TTC17: variants seen among roughly 807,000 people sequenced by gnomAD.
TTC17 encodes the protein tetratricopeptide repeat protein 17.
Under a neutral mutation model 143.8 loss-of-function variants are expected in TTC17, and 58 were observed. That is an observed-to-expected ratio of 0.40 (90% CI 0.33 to 0.50). TTC17 has a LOEUF of 0.50. Ranked by LOEUF, TTC17 falls within the 20% of genes least tolerant of loss-of-function variation. TTC17 has a pLI of 0.49. For missense variants in TTC17, 1,273 were observed against 1,392.5 expected, an observed-to-expected ratio of 0.91 and a Z score of 1.37; for synonymous variants, 501 against 497.8, an observed-to-expected ratio of 1.01 and a Z score of -0.09.
Position 43,494,093 on chromosome 11 carries a change from C to A in TTC17, c.*189C>A. On this transcript the variant is annotated 3_prime_UTR_variant, in exon 24 of 24. Transcript: ENST00000039989. ...ACGTTTCTCCTTTCCCCCAACCAAC[C>A]TCAGAAGAGGCACCTTCAGAAACAC... 1.4e-6 allele frequency: 1 copy of A among 708,560 alleles called. No homozygotes were observed. The highest frequency in any genetic ancestry group is 2.2e-6 in the Non-Finnish European group (1 of 464,202). The allele number at this position is 708,560 out of a possible 1,614,324, so 43.9% of individuals were successfully genotyped here. A position where few individuals can be genotyped will look rare whatever the true frequency, so the allele number is the denominator to read the frequency against.
At chr11:43,452,791 C>T (rs987154729) in intron 21 of TTC17, among the ~76,000 whole-genome samples, 1 of 151,784 alleles carries the variant, frequency 6.6e-6, no homozygotes, top group Non-Finnish European at 1.5e-5. Context: ...AAAATGCTCA[C>T]ACACACCTGT....
At chr11:43,437,369 A>G (rs1416225210) in intron 16 of TTC17, among the ~76,000 whole-genome samples, 2 of 152,082 alleles carry the variant, frequency 1.3e-5, no homozygotes, top group East Asian at 1.9e-4. Flanking sequence ...TGCCTACACT[A>G]TTGCAGTAGC....
chr11:43,393,156 T>C (rs893087247), intron 5 of TTC17, among the ~76,000 whole-genome samples: 1 of 152,144 alleles, frequency 6.6e-6, no homozygotes, highest in Admixed American at 6.5e-5. Flanking sequence ...TACAACTCAA[T>C]ACAATTCTGA....
rs1211439575 is a variant in TTC17, at chr11:43,448,041, C to T, written c.2705C>T (p.Pro902Leu). ...TACCAGCGTCTGGGATGGCCCAGCC[C>T]GGACGAATGCCTCAAACTCCGCTGG... is the stretch of plus-strand genomic sequence containing the variant. ...RDYQRLGWPS[P>L]DECLKLRWVE... is the part of the protein sequence containing the mutation. Residue 902 changes from proline (P) to leucine (L), a missense_variant, in exon 19 of 24, where the codon CCG becomes CTG. Physicochemically the swap from Pro to Leu is moderately conservative, Grantham distance 98 (BLOSUM62 -3). Around this residue, in one of 3 missense-constraint regions of TTC17, gnomAD observed 878 missense variants for 899.8 expected, o/e 0.98. Transcript: ENST00000039989. The T allele has an allele frequency of 5.6e-6, 9 of 1,613,942 alleles. No individual in the cohort carries two copies. The highest frequency in any genetic ancestry group is 4.5e-5 in the East Asian group (2 of 44,876).
chr11:43,387,625 C>T (rs905371525), intron 2 of TTC17, among the ~76,000 whole-genome samples: 4 of 152,118 alleles, frequency 2.6e-5, no homozygotes, highest in African/African-American at 9.7e-5. Context: ...GGACCTAGGC[C>T]GACAGAGCAG....
intron 21 of TTC17, among the ~76,000 whole-genome samples, chr11:43,482,796 G>T (rs185912445): frequency 6.6e-5 from 10 of 152,042 alleles, no homozygotes; most frequent in Admixed American, 5.2e-4. Context: ...TTATGAATTT[G>T]CTTGTATCTT....
At chr11:43,466,763 G>C in intron 21 of TTC17, 1 of 316,290 alleles carries the variant, frequency 3.2e-6, no homozygotes, top group Non-Finnish European at 6.3e-6. Context: ...GCAAGCATGT[G>C]ATCTTTGGCA....
At chr11:43,447,945 C>T in intron 18 of TTC17, 57 bp from the exon 19 acceptor site, 1 of 1,595,812 alleles carries the variant, frequency 6.3e-7, no homozygotes, top group Non-Finnish European at 8.5e-7. Context: ...GGGCATAAGG[C>T]CCTTTGGGTT....
intron 16 of TTC17, among the ~76,000 whole-genome samples, chr11:43,429,277 T>C (rs1198454885): frequency 2.0e-5 from 3 of 152,252 alleles, no homozygotes; most frequent in African/African-American, 7.2e-5. Flanking sequence ...TAAATTGATT[T>C]GCCCAAGTTT....
intron 1 of TTC17, among the ~76,000 whole-genome samples, chr11:43,361,392 A>G (rs1014682783): frequency 6.6e-6 from 1 of 152,164 alleles, no homozygotes; most frequent in Non-Finnish European, 1.5e-5. Flanking sequence ...AACTCATTGT[A>G]AGTCGAAAAT....
chr11:43,478,498 G>C (rs1233507430), intron 21 of TTC17, among the ~76,000 whole-genome samples: 1 of 152,190 alleles, frequency 6.6e-6, no homozygotes, highest in Non-Finnish European at 1.5e-5. Context: ...TCTGGAATTT[G>C]CTTCACATTA....
chr11:43,385,041 T>C (rs761283806), intron 2 of TTC17, among the ~76,000 whole-genome samples: 13 of 152,180 alleles, frequency 8.5e-5, no homozygotes, highest in African/African-American at 1.2e-4. Flanking sequence ...CTCATGGATA[T>C]AAGTATGTTT....
chr11:43,370,549 GA>G (rs56245298), intron 1 of TTC17, among the ~76,000 whole-genome samples: 1,727 of 133,078 alleles, frequency 0.013, 13 homozygotes, highest in Non-Finnish European at 0.018. Context: ...TTTGTTTAAG[GA>G]AAAAAAAAAA....
intron 18 of TTC17, 42 bp downstream of exon 18, chr11:43,444,251 G>C (rs774517848): frequency 3.2e-6 from 5 of 1,560,394 alleles, no homozygotes; most frequent in African/African-American, 1.4e-5. Flanking sequence ...TGTTTTAGAT[G>C]TCACTATCTC....
intron 21 of TTC17, among the ~76,000 whole-genome samples, chr11:43,474,464 A>G (rs1186692457): frequency 1.3e-5 from 2 of 152,230 alleles, no homozygotes; most frequent in Non-Finnish European, 2.9e-5. Flanking sequence ...CCTTGAATCT[A>G]CATTATTTTT....
chr11:43,406,678 G>T (rs949943557), intron 13 of TTC17, among the ~76,000 whole-genome samples: 1 of 151,920 alleles, frequency 6.6e-6, no homozygotes, highest in Non-Finnish European at 1.5e-5. Context: ...TGGATGCTAG[G>T]AATACAAAAA....
chr11:43,384,036 T>A (rs1857076220), intron 2 of TTC17, among the ~76,000 whole-genome samples: 1 of 151,728 alleles, frequency 6.6e-6, no homozygotes, highest in Admixed American at 6.6e-5. Context: ...TTCTAGCTAC[T>A]GGGGAGGCTG....
Position 43,434,262 on chromosome 11 carries a change from A to G in TTC17, c.2252-9063A>G, listed in dbSNP as rs117566752. 5.7e-4 allele frequency among the ~76,000 whole-genome samples: 86 copies of G among 150,888 alleles called. 1 individual carries two copies. In the East Asian group the frequency reaches 0.015, roughly 27 times the overall value. Reference sequence around the variant, plus strand: ...ATGGCCTCTTTCCCATTAGCCCTTCATGGGTGGGCACACACACACACCACA... The same window carrying G: ...ATGGCCTCTTTCCCATTAGCCCTTCGTGGGTGGGCACACACACACACCACA... On this transcript the variant is annotated intron_variant, in intron 16 of 23. Coordinates refer to ENST00000039989, the MANE Select transcript of TTC17 (RefSeq NM_018259.6).
At chr11:43,485,220 C>G (rs1314712602) in intron 21 of TTC17, among the ~76,000 whole-genome samples, 1 of 152,054 alleles carries the variant, frequency 6.6e-6, no homozygotes, top group Non-Finnish European at 1.5e-5. Flanking sequence ...GACCTCTGCT[C>G]TAACATACAG....
Sources: allele counts gnomAD v4.1 joint callset (sites outside exome capture counted in the v4.1 genomes callset), GRCh38; gene constraint gnomAD v4.1.1; regional missense constraint gnomAD v4.1.1; transcripts MANE v1.5; gene names NCBI Gene and HGNC (gene_info 2026-07-23, HGNC 2026-07-21).